The following ADARB2 variants were observed in gnomAD, a reference collection of about 807,000 sequenced individuals.
ADARB2 encodes adenosine deaminase RNA specific B2 (inactive).
Under a neutral mutation model 62.2 loss-of-function variants are expected in ADARB2, and 25 were observed. That is an observed-to-expected ratio of 0.40 (90% CI 0.29 to 0.56). ADARB2 has a LOEUF of 0.56. Among genes scored for constraint, ADARB2 ranks in the 20% least tolerant of loss-of-function variants. The pLI is 0.43. For missense variants in ADARB2, 1,071 were observed against 1,077.4 expected (o/e 0.99, Z 0.08); for synonymous variants, 572 against 500.8 (o/e 1.14, Z -1.90).
intron 3 of ADARB2, among the ~76,000 whole-genome samples, chr10:1,346,191 C>T (rs61833576): frequency 0.06 from 9,115 of 152,262 alleles, 396 homozygotes; most frequent in Non-Finnish European, 0.099. Flanking sequence ...AACCTTTAAT[C>T]GTGGTGCCGT....
chr10:1,382,180 C>T (rs1026858322), intron 1 of ADARB2, among the ~76,000 whole-genome samples: 1 of 152,054 alleles, frequency 6.6e-6, no homozygotes, highest in Non-Finnish European at 1.5e-5. Context: ...AAAACAAAAT[C>T]AAATGTAACT....
At chr10:1,201,626 C>T (rs1211277966) in intron 7 of ADARB2, among the ~76,000 whole-genome samples, 5 of 146,170 alleles carry the variant, frequency 3.4e-5, no homozygotes, top group Admixed American at 2.7e-4. Context: ...TGGTCGTAAG[C>T]CACAGAGCAC....
At chr10:1,318,833 A>G (rs922435236) in intron 3 of ADARB2, among the ~76,000 whole-genome samples, 8 of 152,194 alleles carry the variant, frequency 5.3e-5, no homozygotes, top group Admixed American at 3.9e-4. Flanking sequence ...CATCTCTCAG[A>G]TCACACCCCA....
intron 1 of ADARB2, among the ~76,000 whole-genome samples, chr10:1,616,027 G>A (rs775330848): frequency 3.3e-5 from 5 of 152,194 alleles, no homozygotes; most frequent in African/African-American, 4.8e-5. Flanking sequence ...ATGGCAAAGT[G>A]GATCATCCAT....
At chr10:1,626,796 A>G (rs1213871211) in intron 1 of ADARB2, among the ~76,000 whole-genome samples, 1 of 152,186 alleles carries the variant, frequency 6.6e-6, no homozygotes, top group Non-Finnish European at 1.5e-5. Context: ...CGATTGTTAC[A>G]TGTTGTATTA....
At chr10:1,627,992 C>G (rs1021556939) in intron 1 of ADARB2, among the ~76,000 whole-genome samples, 1 of 152,206 alleles carries the variant, frequency 6.6e-6, no homozygotes, top group African/African-American at 2.4e-5. Context: ...TCAGCTTGAC[C>G]CTCCATCCTG....
At chr10:1,270,672 C>T (rs895419249) in intron 4 of ADARB2, among the ~76,000 whole-genome samples, 10 of 152,174 alleles carry the variant, frequency 6.6e-5, no homozygotes, top group African/African-American at 2.4e-4. Flanking sequence ...TTAGGACTCT[C>T]AGGAGACGTG....
rs117021463 is a variant in ADARB2 at position 1,372,372 on chromosome 10, G to A, written c.187+6702C>T. Among the ~76,000 whole-genome samples, 138 of 152,218 alleles carry A rather than the reference G, an allele frequency of 9.1e-4. 3 individuals are homozygous for A. In the East Asian group the frequency reaches 0.021, roughly 23 times the overall value. On this transcript the variant is annotated intron_variant, in intron 2 of 9. Transcript: ENST00000381312. ...GCTATCAGTACAATGTTCACTATTT[G>A]GGTAATGGGTACACTAGCAGCCCAA... is the stretch of plus-strand genomic sequence containing the variant.
rs1419661402 is a variant in ADARB2 at position 1,499,033 on chromosome 10, ATCATTCACTCATTACTCG to A, written c.101-119891_101-119874del. Among the ~76,000 whole-genome samples, 860 of 151,644 alleles carry A rather than the reference ATCATTCACTCATTACTCG, an allele frequency of 5.7e-3. 8 individuals are homozygous for A. Among genetic ancestry groups the A allele is most frequent in the Middle Eastern group, 0.034 (10 of 292 alleles). ...ATTACTCAACACTCATTCATTACTC[ATCATTCACTCATTACTCG>A]TCATTCACTCATTACTCTTCATTAA... On this transcript the variant is annotated intron_variant, in intron 1 of 9. Coordinates refer to ENST00000381312, the MANE Select transcript of ADARB2 (RefSeq NM_018702.4).
At chr10:1,662,734 GGTT>G (rs748340088) in intron 1 of ADARB2, among the ~76,000 whole-genome samples, 61 of 152,294 alleles carry the variant, frequency 4.0e-4, no homozygotes, top group Non-Finnish European at 7.1e-4. Context: ...CGCAGGCTCC[GGTT>G]GCAACAATTC....
At chr10:1,696,432 T>C (rs1834747622) in intron 1 of ADARB2, among the ~76,000 whole-genome samples, 1 of 152,220 alleles carries the variant, frequency 6.6e-6, no homozygotes, top group African/African-American at 2.4e-5. Flanking sequence ...TGGTGGAAAT[T>C]ATATATGATT....
intron 1 of ADARB2, among the ~76,000 whole-genome samples, chr10:1,524,101 G>T (rs375830784): frequency 6.6e-6 from 1 of 151,530 alleles, no homozygotes; most frequent in African/African-American, 2.4e-5. Flanking sequence ...TAGATAGATA[G>T]ATTAGAGAGA....
chr10:1,489,270 A>G (rs969157828), intron 1 of ADARB2, among the ~76,000 whole-genome samples: 2 of 148,422 alleles, frequency 1.3e-5, no homozygotes, highest in South Asian at 4.2e-4. Context: ...GAGCTTCTGC[A>G]CCGGATGCAC....
rs1461326240 is a variant in ADARB2, at chr10:1,276,664, T to C, written c.1078-5595A>G. ...TCCCAAACAATAATAACGGGAGACT[T>C]TAACACCCCACTGTCAACATTAGAC... On this transcript the variant is annotated intron_variant, in intron 3 of 9. Transcript: ENST00000381312. Among the ~76,000 whole-genome samples, 97 of 152,202 alleles carry C rather than the reference T, an allele frequency of 6.4e-4. No homozygotes were observed. In the Middle Eastern group the frequency reaches 0.01, roughly 16 times the overall value.
At chr10:1,506,254 C>T (rs1481915672) in intron 1 of ADARB2, among the ~76,000 whole-genome samples, 7 of 152,044 alleles carry the variant, frequency 4.6e-5, no homozygotes, top group East Asian at 1.9e-4. Context: ...TTTTGTCGTG[C>T]GGCTCATTTC....
chr10:1,195,531 A>G (rs1836898578), intron 8 of ADARB2, among the ~76,000 whole-genome samples: 1 of 151,922 alleles, frequency 6.6e-6, no homozygotes. Flanking sequence ...GACGACGTTG[A>G]AAGGTTTTCA....
rs971229088 is a variant in ADARB2, at chr10:1,382,659, T to A, written c.101-3499A>T. Among the ~76,000 whole-genome samples the A allele has an allele frequency of 2.6e-5, 4 of 152,136 alleles. No individual in the cohort carries two copies. In the Middle Eastern group the frequency reaches 0.014, roughly 517 times the overall value. On this transcript the variant is annotated intron_variant, in intron 1 of 9. Transcript: ENST00000381312. The stretch of plus-strand genomic sequence containing the variant: ...TTGCATGTTTCTCATTGTCATCTTT[T>A]GGAAATCTGGTTTTACTCAAGCTTC...
chr10:1,643,682 T>C (rs10794779), intron 1 of ADARB2, among the ~76,000 whole-genome samples: 44,126 of 152,148 alleles, frequency 0.29, 7,430 homozygotes, highest in East Asian at 0.44. Flanking sequence ...TCCCTTAGGG[T>C]GCCTGGGCTT....
intron 1 of ADARB2, among the ~76,000 whole-genome samples, chr10:1,660,858 C>T (rs188634081): frequency 2.0e-5 from 3 of 152,306 alleles, no homozygotes; most frequent in African/African-American, 7.2e-5. Context: ...ACAAACGCCA[C>T]CATTTTAAGT....
Sources: gnomAD v4.1 joint callset for allele counts (sites outside exome capture counted in the v4.1 genomes callset) on GRCh38, gnomAD v4.1.1 for gene constraint, MANE v1.5 for transcripts, NCBI Gene and HGNC (gene_info 2026-07-23, HGNC 2026-07-21) for gene names.